The following DNAJC10 variants were observed in gnomAD, a reference collection of about 807,000 sequenced individuals.
The protein encoded by DNAJC10 is DnaJ heat shock protein family (Hsp40) member C10, also known as endoplasmic reticulum disulfide reductase DNAJC10.
A neutral mutation model predicts 115.0 loss-of-function variants in DNAJC10; 101 were observed. The ratio of observed to expected loss-of-function variants is 0.88; its 90% CI spans 0.75 to 1.04. DNAJC10 has a LOEUF of 1.04. Ranked by LOEUF, DNAJC10 falls within the 50% of genes least tolerant of loss-of-function variation. The pLI is 0.00. For synonymous variants in DNAJC10, 307 were observed against 301.5 expected (o/e 1.02, Z -0.19); for missense variants, 981 against 928.8 (o/e 1.06, Z -0.73).
At chr2:182,736,798 G>A (rs1453336632) in intron 11 of DNAJC10, among the ~76,000 whole-genome samples, 1 of 152,172 alleles carries the variant, frequency 6.6e-6, no homozygotes, top group Admixed American at 6.5e-5. Flanking sequence ...CGCCCAGGCT[G>A]TAGTGCAGTG....
chr2:182,747,446 C>T (rs1693897444), intron 14 of DNAJC10, among the ~76,000 whole-genome samples: 1 of 132,028 alleles, frequency 7.6e-6, no homozygotes, highest in Non-Finnish European at 1.6e-5. Flanking sequence ...AGGTCCTTCA[C>T]ATCCCTTGTA....
intron 7 of DNAJC10, 61 bp from the exon 8 acceptor site, chr2:182,729,787 T>TA (rs1392520043): frequency 8.9e-7 from 1 of 1,126,746 alleles, no homozygotes; most frequent in Non-Finnish European, 1.3e-6. Context: ...TTTGGTATTA[T>TA]TTTTATTGAG....
intron 16 of DNAJC10, among the ~76,000 whole-genome samples, chr2:182,754,298 C>T (rs370486888): frequency 6.6e-6 from 1 of 152,138 alleles, no homozygotes; most frequent in Admixed American, 6.5e-5. Context: ...GTCAAAGATT[C>T]CAGTTTGCTA....
In DNAJC10 at chr2:182,785,825, T is replaced by C. The variant is rs1323486846; in HGVS notation, c.*8693T>C. The C allele has an allele frequency of 1.3e-5, 2 of 152,098 alleles. No individual in the cohort carries two copies. Among genetic ancestry groups the C allele is most frequent in the Non-Finnish European group, 1.5e-5 (1 of 68,008 alleles). The allele number at this position is 152,098 out of a possible 1,614,324, so 9.4% of individuals were successfully genotyped here. On this transcript the variant is annotated 3_prime_UTR_variant, in exon 24 of 24. Transcript: ENST00000264065. ...TATATTTCATATATATATGAAACAG[T>C]TGGGGAAATCAGAATATTTGAATTT...
intron 21 of DNAJC10, among the ~76,000 whole-genome samples, chr2:182,761,641 A>G (rs1314653605): frequency 6.6e-6 from 1 of 152,114 alleles, no homozygotes; most frequent in Non-Finnish European, 1.5e-5. Flanking sequence ...GATGAGCCTA[A>G]TTTCTGGCTT....
chr2:182,775,519 A>T, intron 23 of DNAJC10, 99 bp downstream of exon 23: 2 of 628,172 alleles, frequency 3.2e-6, no homozygotes, highest in South Asian at 4.8e-5. Flanking sequence ...CAACAAAATG[A>T]GGCATCAAAA....
At chr2:182,732,317 T>G (rs1693468535) in intron 9 of DNAJC10, among the ~76,000 whole-genome samples, 182 bp from the exon 10 acceptor site, 1 of 141,624 alleles carries the variant, frequency 7.1e-6, no homozygotes. Flanking sequence ...GGAGTGTGTG[T>G]GTGTTTTTGT....
rs1433320727 is a variant in DNAJC10 at position 182,780,261 on chromosome 2, G to T, written c.*3129G>T. 2.0e-5 allele frequency: 3 copies of T among 152,070 alleles called. No homozygotes were observed. The highest frequency in any genetic ancestry group is 7.2e-5 in the African/African-American group (3 of 41,394). 9.4% of individuals were successfully genotyped at this position (152,070 alleles called of 1,614,324 possible). A position where few individuals can be genotyped will look rare whatever the true frequency, so the allele number is the denominator to read the frequency against. On this transcript the variant is annotated 3_prime_UTR_variant, in exon 24 of 24. Transcript: ENST00000264065. ...CCTGGTGGGAGGTGTTTGGGTGATG[G>T]GGGCTGATCCCTCATAAATGGCTTT...
chr2:182,757,876 C>A, intron 19 of DNAJC10, 51 bp downstream of exon 19: 1 of 1,074,696 alleles, frequency 9.3e-7, no homozygotes, highest in Non-Finnish European at 1.3e-6. Flanking sequence ...TTTAATTATA[C>A]ACTTAACAGT....
chr2:182,734,245 G>A (rs574601129), intron 10 of DNAJC10, among the ~76,000 whole-genome samples: 1 of 150,984 alleles, frequency 6.6e-6, no homozygotes, highest in Non-Finnish European at 1.5e-5. Flanking sequence ...ATAAATTAGT[G>A]ACTACAGCTT....
At chr2:182,748,257 G>A (rs1205744472) in intron 14 of DNAJC10, among the ~76,000 whole-genome samples, 2 of 151,752 alleles carry the variant, frequency 1.3e-5, no homozygotes, top group African/African-American at 4.8e-5. Context: ...AATGAGTTAG[G>A]GAGGATTCCC....
chr2:182,743,860 T>C (rs1249855641), intron 14 of DNAJC10, 148 bp downstream of exon 14: 20 of 603,292 alleles, frequency 3.3e-5, no homozygotes, highest in South Asian at 2.9e-4. Context: ...TTTTGAATTA[T>C]ATGTAGTCAC....
intron 14 of DNAJC10, among the ~76,000 whole-genome samples, chr2:182,743,987 A>C (rs1256166746): frequency 6.6e-6 from 1 of 152,156 alleles, no homozygotes; most frequent in African/African-American, 2.4e-5. Flanking sequence ...TTGTTTGCAA[A>C]AGTAAGCAAC....
chr2:182,746,346 A>G (rs1419245964), intron 14 of DNAJC10, among the ~76,000 whole-genome samples: 1 of 152,146 alleles, frequency 6.6e-6, no homozygotes, highest in Non-Finnish European at 1.5e-5. Context: ...TTACAGTCCC[A>G]CCAACAGTGT....
At chr2:182,765,505 C>T (rs150439741) in intron 22 of DNAJC10, among the ~76,000 whole-genome samples, 2 of 152,274 alleles carry the variant, frequency 1.3e-5, no homozygotes, top group Non-Finnish European at 2.9e-5. Flanking sequence ...CTTACTTTCT[C>T]AGAAGTTTCC....
In DNAJC10 at chr2:182,786,461, A is replaced by T. The variant is rs1694948649; in HGVS notation, c.*9329A>T. On this transcript the variant is annotated 3_prime_UTR_variant, in exon 24 of 24. Coordinates refer to ENST00000264065, the MANE Select transcript of DNAJC10 (RefSeq NM_018981.4). The stretch of plus-strand genomic sequence containing the variant: ...CTGAATTCTGAAATGGAAATAATTG[A>T]CTAGAGATTGTCTAGTCAAACTAGA... The T allele has an allele frequency of 6.6e-6, 1 of 152,166 alleles. No individual in the cohort carries two copies. Among genetic ancestry groups the T allele is most frequent in the Non-Finnish European group, 1.5e-5 (1 of 68,032 alleles). The allele number at this position is 152,166 out of a possible 1,614,324, so 9.4% of individuals were successfully genotyped here.
chr2:182,756,132 A>T (rs1043944647), intron 17 of DNAJC10, among the ~76,000 whole-genome samples, 182 bp from the exon 18 acceptor site: 8 of 152,222 alleles, frequency 5.3e-5, no homozygotes, highest in African/African-American at 1.9e-4. Flanking sequence ...CCAAAGTCTG[A>T]ATTTCATGTT....
chr2:182,746,617 A>G (rs1693874713), intron 14 of DNAJC10, among the ~76,000 whole-genome samples: 1 of 152,068 alleles, frequency 6.6e-6, no homozygotes, highest in Admixed American at 6.5e-5. Flanking sequence ...TTCATTGTAG[A>G]TTCTGCATAT....
chr2:182,723,119 A>C (rs1195377777), intron 5 of DNAJC10, among the ~76,000 whole-genome samples: 1 of 137,510 alleles, frequency 7.3e-6, no homozygotes, highest in African/African-American at 2.8e-5. Context: ...GGCTCACTGC[A>C]ACCTCTGCCC....
Sources: allele counts gnomAD v4.1 joint callset (sites outside exome capture counted in the v4.1 genomes callset), GRCh38; gene constraint gnomAD v4.1.1; transcripts MANE v1.5; gene names NCBI Gene and HGNC (gene_info 2026-07-23, HGNC 2026-07-21).